Variants in ATP9B observed in about 807,000 individuals in gnomAD.
ATP9B encodes ATPase phospholipid transporting 9B.
In ATP9B, 110 loss-of-function variants were observed where a neutral mutation model predicts 146.1. The observed-to-expected ratio is 0.75, with a 90% CI of 0.65 to 0.88. ATP9B has a LOEUF of 0.88. Among genes scored for constraint, ATP9B ranks in the 40% least tolerant of loss-of-function variants. ATP9B has a pLI of 0.00. For missense variants in ATP9B, 1,499 were observed against 1,496.4 expected, an observed-to-expected ratio of 1.00 and a Z score of -0.03; for synonymous variants, 604 against 569.7, an observed-to-expected ratio of 1.06 and a Z score of -0.86.
intron 27 of ATP9B, 75 bp downstream of exon 27, chr18:79,372,957 C>A: frequency 1.9e-6 from 2 of 1,064,770 alleles, no homozygotes; most frequent in Non-Finnish European, 2.9e-6. Flanking sequence ...ATTGTTTTTA[C>A]TTGCAGATTA....
chr18:79,169,591 C>T (rs1320937655), intron 7 of ATP9B, among the ~76,000 whole-genome samples: 1 of 152,094 alleles, frequency 6.6e-6, no homozygotes, highest in African/African-American at 2.4e-5. Flanking sequence ...TAAAAGTAAA[C>T]CTTTTCTTAA....
chr18:79,307,749 G>A (rs1021890547), intron 15 of ATP9B, among the ~76,000 whole-genome samples: 1 of 152,150 alleles, frequency 6.6e-6, no homozygotes, highest in African/African-American at 2.4e-5. Context: ...TGGTAAATTA[G>A]TTATTTCTAA....
intron 4 of ATP9B, among the ~76,000 whole-genome samples, chr18:79,119,020 A>G (rs2094142354): frequency 6.6e-6 from 1 of 151,696 alleles, no homozygotes; most frequent in Non-Finnish European, 1.5e-5. Flanking sequence ...GTTGTGAGCC[A>G]TGATTGCGCC....
In ATP9B at chr18:79,075,266, T is replaced by C. The variant is rs1386397379; in HGVS notation, c.119+5737T>C. ...TTCTGGGCTCAAGCCATCCTCCTGC[T>C]TTAGCCTCCAGAGTAGCTGGGATAG... is the stretch of plus-strand genomic sequence containing the variant. On this transcript the variant is annotated intron_variant, in intron 1 of 29. Transcript: ENST00000426216. Among the ~76,000 whole-genome samples, 3 of 152,184 alleles carry C rather than the reference T, an allele frequency of 2.0e-5. No homozygotes were observed. The East Asian group carries it at 5.8e-4, about 29-fold the overall frequency.
chr18:79,166,880 A>G (rs992128838), intron 7 of ATP9B, among the ~76,000 whole-genome samples: 2 of 152,164 alleles, frequency 1.3e-5, no homozygotes, highest in Non-Finnish European at 2.9e-5. Flanking sequence ...GGGTGAGCCC[A>G]GAACAGAGTG....
Position 79,176,904 on chromosome 18 carries a change from G to A in ATP9B, c.870G>A (p.Leu290=), listed in dbSNP as rs201854663. Reference sequence around the variant, plus strand: ...GCTGCACGCAACAGCTGCCGGCTCTGGGGGTGAGCAGCACCAAGACTACTC... The same window carrying A: ...GCTGCACGCAACAGCTGCCGGCTCTAGGGGTGAGCAGCACCAAGACTACTC... The part of the protein sequence containing the change: ...AVSCTQQLPA[L]GDLFSISAYV... The change falls in exon 8 of 30, where the codon CTG becomes CTA. Residue 290 remains leucine (L), a synonymous_variant. Transcript: ENST00000426216. 86 of 1,613,646 alleles carry A rather than the reference G, an allele frequency of 5.3e-5. No individual in the cohort carries two copies. The Admixed American group carries it at 1.4e-3, about 27-fold the overall frequency.
chr18:79,073,087 C>T (rs928468578), intron 1 of ATP9B, among the ~76,000 whole-genome samples: 22 of 150,716 alleles, frequency 1.5e-4, no homozygotes, highest in Admixed American at 3.9e-4. Context: ...CAGGCGGAGA[C>T]GCTCCTCACT....
chr18:79,308,815 A>T (rs673398), intron 15 of ATP9B, among the ~76,000 whole-genome samples: 3 of 17,406 alleles, frequency 1.7e-4, no homozygotes, highest in East Asian at 1.3e-3. Context: ...AGAAGGTCAG[A>T]GGCTGAGGAG....
intron 7 of ATP9B, among the ~76,000 whole-genome samples, chr18:79,159,655 G>A (rs772842493): frequency 6.6e-6 from 1 of 152,032 alleles, no homozygotes; most frequent in Non-Finnish European, 1.5e-5. Flanking sequence ...GCGTTGAAAC[G>A]TGTCTCTACC....
intron 1 of ATP9B, among the ~76,000 whole-genome samples, chr18:79,093,944 A>G (rs1485576486): frequency 6.6e-6 from 1 of 152,170 alleles, no homozygotes; most frequent in Non-Finnish European, 1.5e-5. Flanking sequence ...ACTATTGGCC[A>G]TATTTCCCTG....
intron 8 of ATP9B, among the ~76,000 whole-genome samples, chr18:79,185,423 C>T (rs1234058514): frequency 1.3e-5 from 2 of 152,064 alleles, no homozygotes; most frequent in African/African-American, 2.4e-5. Context: ...ATAAATAATT[C>T]GTACAATGCA....
At chr18:79,255,713 G>A (rs1439162110) in intron 12 of ATP9B, among the ~76,000 whole-genome samples, 1 of 152,298 alleles carries the variant, frequency 6.6e-6, no homozygotes, top group East Asian at 1.9e-4. Flanking sequence ...ACCTTCTGAC[G>A]AATGGGGTCG....
intron 9 of ATP9B, among the ~76,000 whole-genome samples, chr18:79,195,748 C>T (rs7240186): frequency 0.56 from 84,463 of 152,044 alleles, 25,111 homozygotes; most frequent in African/African-American, 0.78. Flanking sequence ...CGAATCACAG[C>T]GTGCCTGTGG....
Position 79,327,631 on chromosome 18 carries a change from G to A in ATP9B, c.1774-1510G>A, listed in dbSNP as rs2147055240. ...TTAGCGTGCCCTCCCTGGTTAGTGT[G>A]CCCTCCCTGGTTAGCATGCTCTCCG... On this transcript the variant is annotated intron_variant, in intron 15 of 29. Coordinates refer to ENST00000426216, the MANE Select transcript of ATP9B (RefSeq NM_198531.5). 1.4e-5 allele frequency among the ~76,000 whole-genome samples: 2 copies of A among 142,820 alleles called. 1 individual carries two copies. Among genetic ancestry groups the A allele is most frequent in the East Asian group, 4.3e-4 (2 of 4,666 alleles). 93.7% of individuals were successfully genotyped at this position (142,820 alleles called of 152,430 possible).
chr18:79,104,624 C>A (rs572492232), intron 2 of ATP9B, among the ~76,000 whole-genome samples: 19 of 152,184 alleles, frequency 1.2e-4, no homozygotes, highest in Admixed American at 7.8e-4. Context: ...TAATATACTC[C>A]TTTTCTTAAG....
intron 4 of ATP9B, among the ~76,000 whole-genome samples, chr18:79,124,618 T>C (rs957827683): frequency 6.6e-6 from 1 of 152,174 alleles, no homozygotes; most frequent in African/African-American, 2.4e-5. Context: ...AAAGACATCA[T>C]GGTGTTTCAG....
At chr18:79,199,453 AC>A (rs1398391979) in intron 9 of ATP9B, among the ~76,000 whole-genome samples, 1 of 152,166 alleles carries the variant, frequency 6.6e-6, no homozygotes, top group Non-Finnish European at 1.5e-5. Flanking sequence ...TACTTTTTAA[AC>A]TTTTTTTTGT....
intron 26 of ATP9B, chr18:79,362,916 T>C (rs984371424): frequency 1.3e-5 from 2 of 152,256 alleles, no homozygotes; most frequent in Non-Finnish European, 2.9e-5. Flanking sequence ...CTAATTTTTA[T>C]TTTCTGTAGA....
At chr18:79,167,857 T>C (rs537595036) in intron 7 of ATP9B, among the ~76,000 whole-genome samples, 37 of 152,274 alleles carry the variant, frequency 2.4e-4, no homozygotes, top group African/African-American at 7.9e-4. Flanking sequence ...GCCCAGGAAC[T>C]TGTGGGACTC....
Sources: allele counts gnomAD v4.1 joint callset (sites outside exome capture counted in the v4.1 genomes callset), GRCh38; gene constraint gnomAD v4.1.1; transcripts MANE v1.5; gene names NCBI Gene and HGNC (gene_info 2026-07-23, HGNC 2026-07-21).